The following ABCC9 variants were observed in gnomAD, a reference collection of about 807,000 sequenced individuals.
ABCC9 encodes ATP binding cassette subfamily C member 9.
In ABCC9, 95 loss-of-function variants were observed where a neutral mutation model predicts 188.3. That is an observed-to-expected ratio of 0.50 (90% CI 0.43 to 0.60). The LOEUF is 0.60. ABCC9 is among the 20% of genes least tolerant of loss of function. The pLI is 0.00. For synonymous variants in ABCC9, 659 were observed against 652.7 expected, an observed-to-expected ratio of 1.01 and a Z score of -0.15; for missense variants, 1,102 against 1,876.3, an observed-to-expected ratio of 0.59 and a Z score of 7.62.
chr12:21,830,089 CA>C, intron 30 of ABCC9, among the ~76,000 whole-genome samples: 1 of 152,082 alleles, frequency 6.6e-6, no homozygotes, highest in East Asian at 1.9e-4. Context: ...TATTGATCTT[CA>C]GCAAATTAAG....
chr12:21,901,733 C>A (rs1415987063), intron 12 of ABCC9, among the ~76,000 whole-genome samples: 4 of 152,188 alleles, frequency 2.6e-5, no homozygotes, highest in Non-Finnish European at 5.9e-5. Context: ...GTAAAGGGAT[C>A]AACTCAACAA....
intron 31 of ABCC9, among the ~76,000 whole-genome samples, chr12:21,822,095 A>C (rs746890559): frequency 8.5e-5 from 13 of 152,168 alleles, no homozygotes; most frequent in Non-Finnish European, 1.8e-4. Flanking sequence ...AATTTTCAGA[A>C]GAGGAACTGA....
At chr12:21,937,644 A>T (rs1949541105) in intron 2 of ABCC9, among the ~76,000 whole-genome samples, 7 of 152,150 alleles carry the variant, frequency 4.6e-5, no homozygotes, top group Admixed American at 4.6e-4. Flanking sequence ...AAAAGCTTTG[A>T]CATTCTGAAA....
At position 21,799,886 on chromosome 12, in the gene ABCC9, C is replaced by A. The variant is rs1292895999; in HGVS notation, c.*1158G>T. The stretch of plus-strand genomic sequence containing the variant: ...TTATTAATTTTCATTTAAGCAAAAC[C>A]TAACACTAATATCCCATCAATTTTT... On this transcript the variant is annotated 3_prime_UTR_variant, in exon 40 of 40. Transcript: ENST00000261200. 1 of 152,090 alleles carries A rather than the reference C, an allele frequency of 6.6e-6. No individual in the cohort carries two copies. Among genetic ancestry groups the A allele is most frequent in the Non-Finnish European group, 1.5e-5 (1 of 68,000 alleles). The allele number at this position is 152,090 out of a possible 1,614,324, so 9.4% of individuals were successfully genotyped here.
chr12:21,940,369 T>G lies in ABCC9; in HGVS notation c.-21+341A>C, dbSNP rs1949642030. Among the ~76,000 whole-genome samples, 4 of 152,216 alleles carry G rather than the reference T, an allele frequency of 2.6e-5. No individual in the cohort carries two copies. In the South Asian group the frequency reaches 8.3e-4, roughly 31 times the overall value. The stretch of plus-strand genomic sequence containing the variant: ...AGGGCTTTATCATCATCTAGAGCAT[T>G]TTCAGGATGGATGTCACTTGCAAAA... On this transcript the variant is annotated intron_variant, in intron 2 of 39. Coordinates refer to ENST00000261200, the MANE Select transcript of ABCC9 (RefSeq NM_020297.4).
chr12:21,801,230 G>A (rs916376725), intron 39 of ABCC9, 49 bp from the exon 40 acceptor site: 6 of 1,608,594 alleles, frequency 3.7e-6, no homozygotes, highest in South Asian at 2.2e-5. Flanking sequence ...CAGGGCACAC[G>A]CCAAAACAAT....
At chr12:21,844,645 A>G in intron 27 of ABCC9, 93 bp from the exon 28 acceptor site, 2 of 1,552,214 alleles carry the variant, frequency 1.3e-6, no homozygotes, top group Non-Finnish European at 1.8e-6. Flanking sequence ...GAAAATGAGA[A>G]GCTCCCTATT....
At chr12:21,914,561 ATTAG>A (rs924580210) in intron 7 of ABCC9, among the ~76,000 whole-genome samples, 3 of 152,118 alleles carry the variant, frequency 2.0e-5, no homozygotes, top group African/African-American at 7.2e-5. Context: ...CAAAGTGATT[ATTAG>A]TTGGTATCTA....
At chr12:21,871,843 C>T (rs1212492297) in intron 18 of ABCC9, among the ~76,000 whole-genome samples, 1 of 152,156 alleles carries the variant, frequency 6.6e-6, no homozygotes, top group East Asian at 1.9e-4. Flanking sequence ...AAATCACACC[C>T]GTTTGAGAAC....
chr12:21,835,424 T>C (rs983353891), intron 30 of ABCC9, among the ~76,000 whole-genome samples: 1 of 152,124 alleles, frequency 6.6e-6, no homozygotes, highest in Non-Finnish European at 1.5e-5. Flanking sequence ...AACATAGAGA[T>C]CTAAGAAGGA....
intron 31 of ABCC9, among the ~76,000 whole-genome samples, chr12:21,819,553 A>G (rs1190544894): frequency 6.6e-6 from 1 of 152,214 alleles, no homozygotes; most frequent in Admixed American, 6.5e-5. Flanking sequence ...ATGAGCTCAG[A>G]CAAGCAACTT....
At chr12:21,924,192 G>A (rs1471219363) in intron 5 of ABCC9, 1 of 195,780 alleles carries the variant, frequency 5.1e-6, no homozygotes, top group African/African-American at 2.3e-5. Flanking sequence ...AATTAAGATC[G>A]CTGTGTTTCA....
chr12:21,862,456 C>A (rs1024612286), intron 20 of ABCC9, among the ~76,000 whole-genome samples: 1 of 152,072 alleles, frequency 6.6e-6, no homozygotes, highest in Non-Finnish European at 1.5e-5. Flanking sequence ...GGTCCTAAGA[C>A]CCACGCTTGC....
chr12:21,798,815 T>C lies in ABCC9; in HGVS notation c.*2229A>G, dbSNP rs967168068. On this transcript the variant is annotated 3_prime_UTR_variant, in exon 40 of 40. Coordinates refer to ENST00000261200, the MANE Select transcript of ABCC9 (RefSeq NM_020297.4). ...ATGCACACGTATGTTTATTGCGGCA[T>C]TATTCACAATAGCAAAGACTTGGAA... 3 of 145,540 alleles carry C rather than the reference T, an allele frequency of 2.1e-5. No homozygotes were observed. Among genetic ancestry groups the C allele is most frequent in the African/African-American group, 5.1e-5 (2 of 39,014 alleles). 9.0% of individuals were successfully genotyped at this position (145,540 alleles called of 1,614,324 possible).
intron 16 of ABCC9, among the ~76,000 whole-genome samples, chr12:21,878,770 A>G (rs561410023): frequency 1.3e-5 from 2 of 152,266 alleles, no homozygotes; most frequent in South Asian, 2.1e-4. Context: ...ATTTGGTGCT[A>G]CATTGAAGTA....
chr12:21,882,479 C>A (rs1166312694), intron 16 of ABCC9, among the ~76,000 whole-genome samples: 2 of 152,116 alleles, frequency 1.3e-5, no homozygotes, highest in Non-Finnish European at 2.9e-5. Context: ...GGTTGATAAA[C>A]ATAGGAATAC....
At chr12:21,858,038 A>G (rs996093646) in intron 22 of ABCC9, among the ~76,000 whole-genome samples, 2 of 152,132 alleles carry the variant, frequency 1.3e-5, no homozygotes, top group African/African-American at 2.4e-5. Context: ...GTCATCTTGT[A>G]ATGAAAGGGT....
chr12:21,812,217 G>T (rs534508012), intron 35 of ABCC9, 60 bp from the exon 36 acceptor site: 1 of 1,262,972 alleles, frequency 7.9e-7, no homozygotes, highest in Admixed American at 1.7e-5. Context: ...AATAATATTT[G>T]TTTACAAATT....
intron 29 of ABCC9, among the ~76,000 whole-genome samples, chr12:21,839,774 C>T (rs543109444): frequency 6.6e-6 from 1 of 152,236 alleles, no homozygotes; most frequent in East Asian, 1.9e-4. Context: ...TTAACTTATG[C>T]CATTCCTGGC....
Sources: gnomAD v4.1 joint callset for allele counts (sites outside exome capture counted in the v4.1 genomes callset) on GRCh38, gnomAD v4.1.1 for gene constraint, MANE v1.5 for transcripts, NCBI Gene and HGNC (gene_info 2026-07-23, HGNC 2026-07-21) for gene names.